GDF11: variants seen among roughly 807,000 people sequenced by gnomAD.
GDF11 encodes the protein growth/differentiation factor 11.
Under a neutral mutation model 34.4 loss-of-function variants are expected in GDF11, and 12 were observed. The observed-to-expected ratio is 0.35, with a 90% CI of 0.22 to 0.57. The LOEUF (loss-of-function observed/expected upper bound fraction) is 0.57. Among genes scored for constraint, GDF11 ranks in the 20% least tolerant of loss-of-function variants. The pLI, the probability that GDF11 is intolerant of heterozygous loss-of-function variation, is 0.86. For synonymous variants in GDF11, 212 were observed against 231.1 expected (o/e 0.92, Z 0.75); for missense variants, 346 against 548.2 (o/e 0.63, Z 3.68).
chr12:55,749,890 G>C lies in GDF11; in HGVS notation c.*8G>C. 1 of 1,604,354 alleles carries C rather than the reference G, an allele frequency of 6.2e-7. No individual in the cohort carries two copies. Among genetic ancestry groups the C allele is most frequent in the Non-Finnish European group, 8.5e-7 (1 of 1,173,670 alleles). On this transcript the variant is annotated 3_prime_UTR_variant, in exon 3 of 3. Transcript: ENST00000257868. The surrounding 1 kb of genome is among the most constrained non-coding windows in gnomAD (Gnocchi z 5.6). The stretch of plus-strand genomic sequence containing the variant: ...CGCTGTGGCTGCTCTTAAGGTGGGG[G>C]ATAGAGGATGCCTCCCCCACAGACC...
In GDF11 at chr12:55,749,662, G is replaced by A. The variant is rs1335516178; in HGVS notation, c.1004G>A (p.Arg335His). The change falls in exon 3 of 3, where the codon CGC becomes CAC. Residue 335 changes from arginine to histidine, a missense_variant. Physicochemically the swap from Arg to His is conservative, Grantham distance 29 (BLOSUM62 0). Transcript: ENST00000257868. This position sits in a 1 kb window ranked among gnomAD's most constrained non-coding sequence, Gnocchi z 5.6. ...TGGGACTGGATCATCGCACCTAAGC[G>A]CTACAAGGCCAACTACTGCTCCGGC... is the stretch of plus-strand genomic sequence containing the variant. ...FGWDWIIAPKRYKANYCSGQC... is the reference protein window; with the variant it reads ...FGWDWIIAPKHYKANYCSGQC... 2 of 1,614,118 alleles carry A rather than the reference G, an allele frequency of 1.2e-6. No homozygotes were observed. Among genetic ancestry groups the A allele is most frequent in the South Asian group, 1.1e-5 (1 of 91,078 alleles).
Position 55,748,978 on chromosome 12 carries a change from G to A in GDF11, c.838G>A (p.Gly280Arg). 1 of 1,596,230 alleles carries A rather than the reference G, an allele frequency of 6.3e-7. No homozygotes were observed. The highest frequency in any genetic ancestry group is 8.5e-7 in the Non-Finnish European group (1 of 1,178,014). ...AVTSLGPGAE[G>R]LHPFMELRVL... The stretch of plus-strand genomic sequence containing the variant: ...CACCTCCCTGGGGCCGGGAGCCGAG[G>A]GGCTGGTGAGCAGGGGGCCTGAGGT... Residue 280 changes from glycine to arginine, a missense_variant, in exon 2 of 3, where the codon GGG becomes AGG. Gly to Arg is a moderately radical substitution (Grantham distance 125). Coordinates refer to ENST00000257868, the MANE Select transcript of GDF11 (RefSeq NM_005811.5). The surrounding 1 kb of genome is among the most constrained non-coding windows in gnomAD (Gnocchi z 5.6).
chr12:55,747,916 G>C (rs1265762970), intron 1 of GDF11, among the ~76,000 whole-genome samples: 1 of 152,190 alleles, frequency 6.6e-6, no homozygotes, highest in Non-Finnish European at 1.5e-5. Context: ...GATGATGATG[G>C]AGCAGCAGCT....
Position 55,754,138 on chromosome 12 carries a change from G to A in GDF11, c.*4256G>A, listed in dbSNP as rs1314398939. ...CAAGACTAAGGCTGGAAGTGGTTGA[G>A]TAGCAGAAGTGTTATGTATTCTATC... On this transcript the variant is annotated 3_prime_UTR_variant, in exon 3 of 3. Coordinates refer to ENST00000257868, the MANE Select transcript of GDF11 (RefSeq NM_005811.5). 1 of 152,168 alleles carries A rather than the reference G, an allele frequency of 6.6e-6. No individual in the cohort carries two copies. Among genetic ancestry groups the A allele is most frequent in the Non-Finnish European group, 1.5e-5 (1 of 68,038 alleles). The allele number at this position is 152,168 out of a possible 1,614,324, so 9.4% of individuals were successfully genotyped here. A position where few individuals can be genotyped will look rare whatever the true frequency, so the allele number is the denominator to read the frequency against.
In GDF11 at chr12:55,754,623, A is replaced by G. The variant is rs1044697830; in HGVS notation, c.*4741A>G. ...ACTAGGGCACTCATACCTAGCTAGA[A>G]CCTACTCAGGGAAAGAAATATGTAT... On this transcript the variant is annotated 3_prime_UTR_variant, in exon 3 of 3. Transcript: ENST00000257868. 6.6e-6 allele frequency: 1 copy of G among 152,294 alleles called. No homozygotes were observed. The highest frequency in any genetic ancestry group is 2.1e-4 in the South Asian group (1 of 4,828). The allele number at this position is 152,294 out of a possible 1,614,324, so 9.4% of individuals were successfully genotyped here. A position where few individuals can be genotyped will look rare whatever the true frequency, so the allele number is the denominator to read the frequency against.
chr12:55,756,632 A>G lies in GDF11; in HGVS notation c.*6750A>G, dbSNP rs1878512635. The G allele has an allele frequency of 6.6e-6, 1 of 152,248 alleles. No individual in the cohort carries two copies. Among genetic ancestry groups the G allele is most frequent in the Admixed American group, 6.5e-5 (1 of 15,284 alleles). 9.4% of individuals were successfully genotyped at this position (152,248 alleles called of 1,614,324 possible). On this transcript the variant is annotated 3_prime_UTR_variant, in exon 3 of 3. Transcript: ENST00000257868. ...GATTAAGAGGAGAAATTCTGCAATAACATATCCAAAAAGATTAAGCAGGTT... is the reference window on the plus strand; with the variant it reads ...GATTAAGAGGAGAAATTCTGCAATAGCATATCCAAAAAGATTAAGCAGGTT...
Position 55,749,067 on chromosome 12 carries a change from G to T in GDF11, c.843+84G>T, listed in dbSNP as rs1878247156. ...ACATTGGAAAAGGTAGACAAGGAAT[G>T]TGAAGGAGGTTGGGGACCAGCATTA... On this transcript the variant is annotated intron_variant, in intron 2 of 2. Transcript: ENST00000257868. This position sits in a 1 kb window ranked among gnomAD's most constrained non-coding sequence, Gnocchi z 5.6. 3.7e-6 allele frequency: 5 copies of T among 1,358,394 alleles called. No individual in the cohort carries two copies. In the East Asian group the frequency reaches 1.2e-4, roughly 34 times the overall value. 84.1% of individuals were successfully genotyped at this position (1,358,394 alleles called of 1,614,324 possible).
In GDF11 at chr12:55,750,221, C is replaced by T. The variant is rs544688576; in HGVS notation, c.*339C>T. The T allele has an allele frequency of 1.0e-4, 25 of 250,710 alleles. No individual in the cohort carries two copies. The highest frequency in any genetic ancestry group is 5.3e-4 in the African/African-American group (24 of 45,362). The allele number at this position is 250,710 out of a possible 1,614,324, so 15.5% of individuals were successfully genotyped here. ...CAAAGAGAGAGGCAGAAGAGACAGA[C>T]GAGGCAGAGACAAAACACTGAGAAA... is the stretch of plus-strand genomic sequence containing the variant. On this transcript the variant is annotated 3_prime_UTR_variant, in exon 3 of 3. Coordinates refer to ENST00000257868, the MANE Select transcript of GDF11 (RefSeq NM_005811.5).
At chr12:55,744,228 G>C (rs1162792547) in intron 1 of GDF11, among the ~76,000 whole-genome samples, 3 of 152,186 alleles carry the variant, frequency 2.0e-5, no homozygotes, top group African/African-American at 7.2e-5. Context: ...GTGCCCAACG[G>C]GTTGCAGAGA....
Position 55,749,784 on chromosome 12 carries a change from A to G in GDF11, c.1126A>G (p.Lys376Glu). The G allele has an allele frequency of 1.2e-6, 2 of 1,614,072 alleles. No individual in the cohort carries two copies. Among genetic ancestry groups the G allele is most frequent in the Non-Finnish European group, 1.7e-6 (2 of 1,179,996 alleles). ...TGCTGGGCCCTGTTGTACCCCCACC[A>G]AGATGTCCCCAATCAACATGCTCTA... is the stretch of plus-strand genomic sequence containing the variant. ...GSAGPCCTPT[K>E]MSPINMLYFN... Residue 376 changes from lysine (K) to glutamate (E), a missense_variant, in exon 3 of 3, where the codon AAG (lysine) becomes GAG (glutamate). Physicochemically the swap from Lys to Glu is moderately conservative, Grantham distance 56 (BLOSUM62 1). Transcript: ENST00000257868. This position sits in a 1 kb window ranked among gnomAD's most constrained non-coding sequence, Gnocchi z 5.6.
At position 55,755,842 on chromosome 12, in the gene GDF11, G is replaced by C. The variant is rs965208451; in HGVS notation, c.*5960G>C. The C allele has an allele frequency of 6.6e-6, 1 of 152,122 alleles. No homozygotes were observed. Among genetic ancestry groups the C allele is most frequent in the African/African-American group, 2.4e-5 (1 of 41,414 alleles). The allele number at this position is 152,122 out of a possible 1,614,324, so 9.4% of individuals were successfully genotyped here. ...GGAAAACACTGTTCAAAGATCTAGG[G>C]GAAGTAAGATGAGTGAGGAGAATAA... On this transcript the variant is annotated 3_prime_UTR_variant, in exon 3 of 3. Coordinates refer to ENST00000257868, the MANE Select transcript of GDF11 (RefSeq NM_005811.5).
chr12:55,747,933 A>G (rs1217068165), intron 1 of GDF11, among the ~76,000 whole-genome samples: 1 of 152,224 alleles, frequency 6.6e-6, no homozygotes, highest in Non-Finnish European at 1.5e-5. Context: ...AGCTGAAGAA[A>G]CTTCTTAAGA....
Position 55,755,995 on chromosome 12 carries a change from T to C in GDF11, c.*6113T>C, listed in dbSNP as rs1878495299. 1 of 152,234 alleles carries C rather than the reference T, an allele frequency of 6.6e-6. No homozygotes were observed. Among genetic ancestry groups the C allele is most frequent in the Non-Finnish European group, 1.5e-5 (1 of 68,040 alleles). 9.4% of individuals were successfully genotyped at this position (152,234 alleles called of 1,614,324 possible). A position where few individuals can be genotyped will look rare whatever the true frequency, so the allele number is the denominator to read the frequency against. ...CACTTCATAATCAGCATCTGCTCTATTCCCTCATGTATTTTTCTCTTTTTA... is the reference window on the plus strand; with the variant it reads ...CACTTCATAATCAGCATCTGCTCTACTCCCTCATGTATTTTTCTCTTTTTA... On this transcript the variant is annotated 3_prime_UTR_variant, in exon 3 of 3. Transcript: ENST00000257868.
In GDF11 at chr12:55,748,623, C is replaced by T; in HGVS notation, c.483C>T (p.Cys161=). The T allele has an allele frequency of 6.2e-7, 1 of 1,614,022 alleles. No homozygotes were observed. The highest frequency in any genetic ancestry group is 1.3e-5 in the African/African-American group (1 of 75,060). ...TACAGACAGATGGCAGCCCTCTCTG[C>T]TGCCATTTTCACTTCAGCCCCAAGG... ...PAVQTDGSPL[C]CHFHFSPKVM... Residue 161 remains cysteine (C), a synonymous_variant, in exon 2 of 3, where the codon TGC becomes TGT. Coordinates refer to ENST00000257868, the MANE Select transcript of GDF11 (RefSeq NM_005811.5). The surrounding 1 kb of genome is among the most constrained non-coding windows in gnomAD (Gnocchi z 5.6).
Position 55,749,968 on chromosome 12 carries a change from T to A in GDF11, c.*86T>A. ...CATCCCCCCAAGCCCTAGAGCTCCC[T>A]CCACTCTTCCCGCGAACATCACACC... is the stretch of plus-strand genomic sequence containing the variant. On this transcript the variant is annotated 3_prime_UTR_variant, in exon 3 of 3. Coordinates refer to ENST00000257868, the MANE Select transcript of GDF11 (RefSeq NM_005811.5). This position sits in a 1 kb window ranked among gnomAD's most constrained non-coding sequence, Gnocchi z 5.6. 1 of 1,137,840 alleles carries A rather than the reference T, an allele frequency of 8.8e-7. No homozygotes were observed. The highest frequency in any genetic ancestry group is 1.3e-6 in the Non-Finnish European group (1 of 793,548). The allele number at this position is 1,137,840 out of a possible 1,614,324, so 70.5% of individuals were successfully genotyped here.
rs745671102 is a variant in GDF11, at chr12:55,748,998, T to A, written c.843+15T>A. 1 of 1,585,542 alleles carries A rather than the reference T, an allele frequency of 6.3e-7. No homozygotes were observed. Among genetic ancestry groups the A allele is most frequent in the Non-Finnish European group, 8.5e-7 (1 of 1,173,062 alleles). On this transcript the variant is annotated intron_variant, in intron 2 of 2. Transcript: ENST00000257868. The surrounding 1 kb of genome is among the most constrained non-coding windows in gnomAD (Gnocchi z 5.6). ...CCGAGGGGCTGGTGAGCAGGGGGCCTGAGGTGGTGGATATGTGTAACCTGG... is the reference window on the plus strand; with the variant it reads ...CCGAGGGGCTGGTGAGCAGGGGGCCAGAGGTGGTGGATATGTGTAACCTGG...
chr12:55,750,188 T>C lies in GDF11; in HGVS notation c.*306T>C. On this transcript the variant is annotated 3_prime_UTR_variant, in exon 3 of 3. Transcript: ENST00000257868. ...GACAGAGGAACAAAAAGAGCAGCAG[T>C]GAGAAGGCAAAGAGAGAGGCAGAAG... The C allele has an allele frequency of 3.1e-6, 1 of 320,716 alleles. No individual in the cohort carries two copies. Among genetic ancestry groups the C allele is most frequent in the Non-Finnish European group, 5.7e-6 (1 of 173,962 alleles). The allele number at this position is 320,716 out of a possible 1,614,324, so 19.9% of individuals were successfully genotyped here. A position where few individuals can be genotyped will look rare whatever the true frequency, so the allele number is the denominator to read the frequency against.
intron 1 of GDF11, among the ~76,000 whole-genome samples, chr12:55,746,284 T>C (rs770493345): frequency 2.6e-5 from 4 of 152,298 alleles, no homozygotes; most frequent in Non-Finnish European, 5.9e-5. Context: ...TAGGTTTAGC[T>C]TCCTCCCACC....
rs1307623512 is a variant in GDF11, at chr12:55,755,860, G to C, written c.*5978G>C. 1.3e-5 allele frequency: 2 copies of C among 152,148 alleles called. No homozygotes were observed. Among genetic ancestry groups the C allele is most frequent in the Admixed American group, 6.5e-5 (1 of 15,278 alleles). 9.4% of individuals were successfully genotyped at this position (152,148 alleles called of 1,614,324 possible). On this transcript the variant is annotated 3_prime_UTR_variant, in exon 3 of 3. Coordinates refer to ENST00000257868, the MANE Select transcript of GDF11 (RefSeq NM_005811.5). ...ATCTAGGGGAAGTAAGATGAGTGAG[G>C]AGAATAATTAGGCTTCAAGAAGAGA...
Sources: gnomAD v4.1 joint callset for allele counts (sites outside exome capture counted in the v4.1 genomes callset) on GRCh38, gnomAD v4.1.1 for gene constraint, Gnocchi (gnomAD v3.1) non-coding constraint, MANE v1.5 for transcripts, NCBI Gene and HGNC (gene_info 2026-07-23, HGNC 2026-07-21) for gene names.